Variants in SULF1 observed in about 807,000 individuals in gnomAD.
SULF1 encodes sulfatase 1, also known as extracellular sulfatase Sulf-1.
SULF1 carries 46 observed loss-of-function variants against 110.5 expected under a neutral mutation model. That is an observed-to-expected ratio of 0.42 (90% CI 0.33 to 0.53). The LOEUF is 0.53. Ranked by LOEUF, SULF1 falls within the 20% of genes least tolerant of loss-of-function variation. The pLI is 0.12. For missense variants in SULF1, 941 were observed against 1,094.2 expected, an observed-to-expected ratio of 0.86 and a Z score of 1.98; for synonymous variants, 371 against 387.1, an observed-to-expected ratio of 0.96 and a Z score of 0.49.
intron 3 of SULF1, among the ~76,000 whole-genome samples, chr8:69,538,637 C>T (rs1813633320): frequency 6.6e-6 from 1 of 152,172 alleles, no homozygotes; most frequent in Non-Finnish European, 1.5e-5. Context: ...TCATGTCAAA[C>T]CTTCCAACAC....
chr8:69,553,304 T>G (rs1814862071), intron 3 of SULF1, among the ~76,000 whole-genome samples: 1 of 152,244 alleles, frequency 6.6e-6, no homozygotes, highest in Non-Finnish European at 1.5e-5. Context: ...GCAAGAGATC[T>G]TGATATGGAG....
At position 69,627,220 on chromosome 8, in the gene SULF1, C is replaced by G. The variant is rs758226671; in HGVS notation, c.1861C>G (p.Leu621Val). Reference sequence around the variant, plus strand: ...TGGTTTGTTTTGCAGGTGTTTTATTCTTCCCAATGACTCTATCCATTGTGA... The same window carrying G: ...TGGTTTGTTTTGCAGGTGTTTTATTGTTCCCAATGACTCTATCCATTGTGA... ...TVRVTHKCFI[L>V]PNDSIHCERE... The change falls in exon 16 of 23, where the codon CTT becomes GTT. Residue 621 changes from leucine to valine, a missense_variant. Around this residue, in one of 3 missense-constraint regions of SULF1, gnomAD observed 822 missense variants for 934.3 expected, o/e 0.88. Coordinates refer to ENST00000402687, the MANE Select transcript of SULF1 (RefSeq NM_001128205.2). 9.3e-6 allele frequency: 15 copies of G among 1,613,806 alleles called. No individual in the cohort carries two copies. Among genetic ancestry groups the G allele is most frequent in the Non-Finnish European group, 1.0e-5 (12 of 1,179,752 alleles).
chr8:69,471,549 A>G (rs1809084541), intron 1 of SULF1, among the ~76,000 whole-genome samples: 1 of 152,218 alleles, frequency 6.6e-6, no homozygotes, highest in African/African-American at 2.4e-5. Flanking sequence ...TGTAGTAGAA[A>G]TTACATGTAT....
intron 3 of SULF1, among the ~76,000 whole-genome samples, chr8:69,511,220 C>G (rs1811537837): frequency 6.6e-6 from 1 of 152,216 alleles, no homozygotes. Flanking sequence ...TTATCAGCAT[C>G]TGTACAGATG....
At chr8:69,599,202 T>A (rs1807583205) in intron 8 of SULF1, among the ~76,000 whole-genome samples, 1 of 152,146 alleles carries the variant, frequency 6.6e-6, no homozygotes, top group Non-Finnish European at 1.5e-5. Flanking sequence ...AGTTTTATAA[T>A]ATAAATAATG....
intron 3 of SULF1, among the ~76,000 whole-genome samples, chr8:69,537,733 G>A (rs2150660289): frequency 6.6e-6 from 1 of 152,286 alleles, no homozygotes; most frequent in Non-Finnish European, 1.5e-5. Flanking sequence ...CGTTTGGAAT[G>A]AGAGTGTGTG....
intron 3 of SULF1, among the ~76,000 whole-genome samples, chr8:69,507,700 C>T (rs1416303099): frequency 2.0e-5 from 3 of 152,100 alleles, no homozygotes; most frequent in African/African-American, 7.2e-5. Flanking sequence ...AGGCTTTTTA[C>T]ATTGGTATCT....
At chr8:69,541,546 A>G (rs77225228) in intron 3 of SULF1, among the ~76,000 whole-genome samples, 1,671 of 152,372 alleles carry the variant, frequency 0.011, 34 homozygotes, top group African/African-American at 0.037. Flanking sequence ...AGGAAGAGAA[A>G]GTAGAAACGA....
chr8:69,592,315 T>C (rs1806965041), intron 8 of SULF1, among the ~76,000 whole-genome samples: 1 of 152,178 alleles, frequency 6.6e-6, no homozygotes, highest in African/African-American at 2.4e-5. Flanking sequence ...ATTGAGGGTG[T>C]CAGTGAGTTT....
Position 69,659,229 on chromosome 8 carries a change from G to T in SULF1, c.*694G>T, listed in dbSNP as rs549680906. The T allele has an allele frequency of 2.8e-5, 13 of 456,350 alleles. No individual in the cohort carries two copies. The highest frequency in any genetic ancestry group is 2.0e-5 in the African/African-American group (1 of 50,012). The allele number at this position is 456,350 out of a possible 1,614,324, so 28.3% of individuals were successfully genotyped here. A position where few individuals can be genotyped will look rare whatever the true frequency, so the allele number is the denominator to read the frequency against. ...AACACCGAAGTAATTCCAGCATAGC[G>T]GGGAAGATGTTGACCAAGGTGGAGA... On this transcript the variant is annotated 3_prime_UTR_variant, in exon 23 of 23. Transcript: ENST00000402687.
chr8:69,603,643 C>T lies in SULF1; in HGVS notation c.1234C>T (p.Leu412=). Residue 412 remains leucine, a synonymous_variant, in exon 12 of 23, where the codon CTA becomes TTA. Transcript: ENST00000402687. ...GGCCAAAATTTGGCGTGATACATTC[C>T]TAGTGGAAAGAGGGTAATTATTGGT... The part of the protein sequence containing the change: ...KKAKIWRDTF[L]VERGKFLRKK... 1 of 1,613,138 alleles carries T rather than the reference C, an allele frequency of 6.2e-7. No individual in the cohort carries two copies. Among genetic ancestry groups the T allele is most frequent in the Non-Finnish European group, 8.5e-7 (1 of 1,179,088 alleles).
intron 3 of SULF1, among the ~76,000 whole-genome samples, chr8:69,554,396 T>C (rs1021511776): frequency 6.6e-6 from 1 of 150,620 alleles, no homozygotes; most frequent in Non-Finnish European, 1.5e-5. Context: ...AAGTAACACT[T>C]TAGGATGCTA....
chr8:69,637,627 G>A (rs75040810), intron 19 of SULF1: 6,917 of 155,086 alleles, frequency 0.045, 199 homozygotes, highest in South Asian at 0.095. Context: ...CCGTAATTAC[G>A]TTTGCACCAA....
At chr8:69,550,168 A>G (rs1292301085) in intron 3 of SULF1, among the ~76,000 whole-genome samples, 3 of 151,846 alleles carry the variant, frequency 2.0e-5, no homozygotes, top group African/African-American at 4.8e-5. Context: ...ATACAAAAAC[A>G]GAACACTTAT....
rs182865231 is a variant in SULF1, at chr8:69,559,031, G to A, written c.-133-4508G>A. Among the ~76,000 whole-genome samples, 8 of 152,176 alleles carry A rather than the reference G, an allele frequency of 5.3e-5. 1 individual carries two copies. The East Asian group carries it at 1.4e-3, about 26-fold the overall frequency. On this transcript the variant is annotated intron_variant, in intron 3 of 22. Coordinates refer to ENST00000402687, the MANE Select transcript of SULF1 (RefSeq NM_001128205.2). ...ATGTTTATCTGAAAAGAAGGAAGTCGAATTCTTATTTCTGCTTCTACATTC... is the reference window on the plus strand; with the variant it reads ...ATGTTTATCTGAAAAGAAGGAAGTCAAATTCTTATTTCTGCTTCTACATTC...
chr8:69,572,812 CAAGCCAGAT>C (rs753995696), intron 5 of SULF1, among the ~76,000 whole-genome samples: 4 of 152,086 alleles, frequency 2.6e-5, no homozygotes, highest in Non-Finnish European at 5.9e-5. Flanking sequence ...TGAGAACCTT[CAAGCCAGAT>C]TCCCACTTTT....
At chr8:69,600,288 T>C (rs1284030011) in intron 8 of SULF1, among the ~76,000 whole-genome samples, 1 of 152,206 alleles carries the variant, frequency 6.6e-6, no homozygotes, top group Non-Finnish European at 1.5e-5. Flanking sequence ...TGTAGATTTG[T>C]AACATAACCA....
chr8:69,506,072 T>A (rs1276509437), intron 3 of SULF1, among the ~76,000 whole-genome samples: 1 of 152,212 alleles, frequency 6.6e-6, no homozygotes, highest in Admixed American at 6.5e-5. Flanking sequence ...GAATGTACAA[T>A]GTTTATTGTT....
intron 3 of SULF1, among the ~76,000 whole-genome samples, chr8:69,525,660 G>A (rs770743853): frequency 3.9e-5 from 6 of 152,158 alleles, no homozygotes; most frequent in African/African-American, 7.2e-5. Flanking sequence ...AGTGGATTTC[G>A]TGGACTTCAT....
Sources: allele counts gnomAD v4.1 joint callset (sites outside exome capture counted in the v4.1 genomes callset), GRCh38; gene constraint gnomAD v4.1.1; regional missense constraint gnomAD v4.1.1; transcripts MANE v1.5; gene names NCBI Gene and HGNC (gene_info 2026-07-23, HGNC 2026-07-21).